The following MBD5 variants were observed in gnomAD, a reference collection of about 807,000 sequenced individuals.
MBD5 encodes the protein methyl-CpG-binding domain protein 5.
In MBD5, 13 loss-of-function variants were observed where a neutral mutation model predicts 117.3. The ratio of observed to expected loss-of-function variants is 0.11; its 90% CI spans 0.07 to 0.18. The LOEUF is 0.18. Among genes scored for constraint, MBD5 ranks in the 10% least tolerant of loss-of-function variants. The pLI is 1.00. For synonymous variants in MBD5, 727 were observed against 766.4 expected, an observed-to-expected ratio of 0.95 and a Z score of 0.85; for missense variants, 1,879 against 2,093.8, an observed-to-expected ratio of 0.90 and a Z score of 2.00.
intron 3 of MBD5, among the ~76,000 whole-genome samples, chr2:148,267,999 G>A (rs928311636): frequency 2.8e-5 from 4 of 144,406 alleles, no homozygotes; most frequent in Non-Finnish European, 4.5e-5. Flanking sequence ...ACCCAGGCTG[G>A]AGTGCACTGG....
At chr2:148,294,501 G>GTTTTTTTTTTT (rs58961481) in intron 3 of MBD5, among the ~76,000 whole-genome samples, 2 of 113,260 alleles carry the variant, frequency 1.8e-5, no homozygotes, top group African/African-American at 7.3e-5. Flanking sequence ...TGGGATTACA[G>GTTTTTTTTTTT]TTTTTTTTTT....
chr2:148,084,385 A>C (rs546655498), intron 1 of MBD5, among the ~76,000 whole-genome samples: 24 of 152,328 alleles, frequency 1.6e-4, no homozygotes, highest in Non-Finnish European at 2.4e-4. Flanking sequence ...AAATAAAACA[A>C]TTTTGACAGA....
intron 5 of MBD5, among the ~76,000 whole-genome samples, chr2:148,459,302 A>G (rs927457880): frequency 6.6e-6 from 1 of 152,146 alleles, no homozygotes; most frequent in Non-Finnish European, 1.5e-5. Flanking sequence ...CATGTTAACT[A>G]AAAATACATT....
At position 148,469,869 on chromosome 2, in the gene MBD5, A is replaced by C. The variant is rs1380747921; in HGVS notation, c.1926A>C (p.Ala642=). The change falls in exon 8 of 14, where the codon GCA becomes GCC. Residue 642 remains alanine (A), a synonymous_variant. Transcript: ENST00000642680. ...CAGGTGAAGGGCAAAGTGGTCGAGC[A>C]GCACTAAGAGATAAGCTGATGTCTC... ...LPTGEGQSGR[A]ALRDKLMSQQ... 2.5e-6 allele frequency: 4 copies of C among 1,614,018 alleles called. No homozygotes were observed. The highest frequency in any genetic ancestry group is 2.5e-6 in the Non-Finnish European group (3 of 1,179,914).
chr2:148,128,535 T>A (rs1296654720), intron 1 of MBD5, among the ~76,000 whole-genome samples: 1 of 152,310 alleles, frequency 6.6e-6, no homozygotes, highest in South Asian at 2.1e-4. Flanking sequence ...TTCTATGTCA[T>A]GGACTGTAAA....
intron 3 of MBD5, among the ~76,000 whole-genome samples, chr2:148,325,477 C>G (rs1346000373): frequency 6.6e-6 from 1 of 152,068 alleles, no homozygotes; most frequent in Non-Finnish European, 1.5e-5. Context: ...GACTCTTTTT[C>G]GTTGGTAAGC....
In MBD5 at chr2:148,514,793, A is replaced by G. The variant is rs1447880339; in HGVS notation, c.*1852A>G. 5 of 152,268 alleles carry G rather than the reference A, an allele frequency of 3.3e-5. No homozygotes were observed. Among genetic ancestry groups the G allele is most frequent in the Non-Finnish European group, 7.3e-5 (5 of 68,108 alleles). 9.4% of individuals were successfully genotyped at this position (152,268 alleles called of 1,614,324 possible). ...ACCTGGGCTCACTTTTGATAGCAAC[A>G]GCTCTTAGTTATTCCCCTAGGTCTC... On this transcript the variant is annotated 3_prime_UTR_variant, in exon 14 of 14. Transcript: ENST00000642680.
chr2:148,277,928 C>T lies in MBD5; in HGVS notation c.-680+44533C>T, dbSNP rs139594331. On this transcript the variant is annotated intron_variant, in intron 3 of 13. Coordinates refer to ENST00000642680, the MANE Select transcript of MBD5 (RefSeq NM_001378120.1). ...TATAATTTGCATAAAGTCAGATCAC[C>T]TTCTTAGTGTATAGTTCTGAGTTTT... 2.8e-3 allele frequency among the ~76,000 whole-genome samples: 428 copies of T among 152,144 alleles called. 2 individuals carry two copies. Among genetic ancestry groups the T allele is most frequent in the Middle Eastern group, 6.8e-3 (2 of 294 alleles).
chr2:148,217,210 G>T (rs544661809), intron 2 of MBD5, among the ~76,000 whole-genome samples: 1 of 152,312 alleles, frequency 6.6e-6, no homozygotes, highest in East Asian at 1.9e-4. Context: ...GGGTGGGTGG[G>T]TGAAGCGTAT....
chr2:148,475,073 T>C (rs978579440), intron 8 of MBD5, among the ~76,000 whole-genome samples: 1 of 152,262 alleles, frequency 6.6e-6, no homozygotes, highest in South Asian at 2.1e-4. Flanking sequence ...TTCAGTGTTA[T>C]ATAGATTAAT....
chr2:148,220,174 A>G (rs561079464), intron 2 of MBD5: 1 of 152,278 alleles, frequency 6.6e-6, no homozygotes, highest in Non-Finnish European at 1.5e-5. Flanking sequence ...ATATTTTTCT[A>G]TCCTTCTGCC....
intron 4 of MBD5, among the ~76,000 whole-genome samples, chr2:148,389,671 C>T (rs1367025182): frequency 6.6e-6 from 1 of 151,994 alleles, no homozygotes; most frequent in Non-Finnish European, 1.5e-5. Flanking sequence ...ATTTGTATCT[C>T]CCTGATGATT....
intron 4 of MBD5, among the ~76,000 whole-genome samples, chr2:148,349,884 T>G (rs1703211509): frequency 6.6e-6 from 1 of 151,978 alleles, no homozygotes. Flanking sequence ...GTTACAATTT[T>G]CACATGTAAT....
intron 4 of MBD5, among the ~76,000 whole-genome samples, chr2:148,455,673 GTTA>G (rs1298883439): frequency 6.6e-6 from 1 of 151,688 alleles, no homozygotes; most frequent in Non-Finnish European, 1.5e-5. Context: ...TCACTACAAT[GTTA>G]TTATCTGGCA....
At chr2:148,507,902 G>C (rs1419706364) in intron 12 of MBD5, among the ~76,000 whole-genome samples, 2 of 151,844 alleles carry the variant, frequency 1.3e-5, no homozygotes, top group Admixed American at 6.6e-5. Context: ...TAAATATTTG[G>C]AACTTTATAT....
intron 1 of MBD5, among the ~76,000 whole-genome samples, chr2:148,094,869 A>G (rs1696027189): frequency 6.6e-6 from 1 of 152,168 alleles, no homozygotes; most frequent in Non-Finnish European, 1.5e-5. Context: ...AGAGAGTAAG[A>G]TAAGTGACTT....
intron 11 of MBD5, 135 bp downstream of exon 11, chr2:148,490,729 C>A: frequency 9.1e-7 from 1 of 1,093,308 alleles, no homozygotes; most frequent in Non-Finnish European, 1.3e-6. Flanking sequence ...TCACAAGCTT[C>A]TGGAGCATAA....
At chr2:148,181,787 T>C (rs1040555914) in intron 2 of MBD5, among the ~76,000 whole-genome samples, 2 of 152,116 alleles carry the variant, frequency 1.3e-5, no homozygotes, top group African/African-American at 4.8e-5. Context: ...ACTTTTAAAT[T>C]TTATGCATGA....
At chr2:148,284,301 C>T (rs1017768295) in intron 3 of MBD5, among the ~76,000 whole-genome samples, 1 of 152,038 alleles carries the variant, frequency 6.6e-6, no homozygotes, top group African/African-American at 2.4e-5. Context: ...AGTAAATAAC[C>T]TTAAATATTG....
Sources: allele counts gnomAD v4.1 joint callset (sites outside exome capture counted in the v4.1 genomes callset), GRCh38; gene constraint gnomAD v4.1.1; transcripts MANE v1.5; gene names NCBI Gene and HGNC (gene_info 2026-07-23, HGNC 2026-07-21).